ACSL4: variants seen among roughly 807,000 people sequenced by gnomAD.
ACSL4 encodes long-chain-fatty-acid--CoA ligase 4.
In ACSL4, 9 loss-of-function variants were observed where a neutral mutation model predicts 49.1. That is an observed-to-expected ratio of 0.18 (90% confidence interval 0.11 to 0.32). ACSL4 has a LOEUF of 0.32. Among genes scored for constraint, ACSL4 ranks in the 10% least tolerant of loss-of-function variants. ACSL4 has a pLI of 1.00. For synonymous variants in ACSL4, 191 were observed against 170.3 expected (o/e 1.12, Z -0.95); for missense variants, 333 against 493.7 (o/e 0.67, Z 3.08).
At position 109,681,223 on chromosome X, in the gene ACSL4, C is replaced by A. The variant is rs775290997; in HGVS notation, c.516+43G>T. 6.7e-6 allele frequency: 8 copies of A among 1,197,719 alleles called. No individual in the cohort carries two copies. The South Asian group carries it at 1.4e-4, about 21-fold the overall frequency. ...ACTGAATGAATATTTTTCTGTCCTG[C>A]CAGACAACGCAACCATGAATTAAAA... On this transcript the variant is annotated intron_variant, in intron 5 of 15. Coordinates refer to ENST00000672401, the MANE Select transcript of ACSL4 (RefSeq NM_001318510.2).
chrX:109,711,751 G>A (rs1236647260), intron 1 of ACSL4, among the ~76,000 whole-genome samples: 2 of 110,511 alleles, frequency 1.8e-5, no homozygotes, highest in Non-Finnish European at 3.8e-5. Flanking sequence ...GTTACGTGAA[G>A]TGCCTCTGCT....
chrX:109,724,827 G>A (rs1009824034), intron 1 of ACSL4, among the ~76,000 whole-genome samples: 3 of 110,533 alleles, frequency 2.7e-5, no homozygotes, highest in Non-Finnish European at 3.8e-5. Context: ...CAGAAGAATC[G>A]CTTGAATCTG....
intron 9 of ACSL4, among the ~76,000 whole-genome samples, chrX:109,672,264 T>C (rs1437249045): frequency 9.7e-6 from 1 of 103,465 alleles, no homozygotes; most frequent in African/African-American, 3.6e-5. Context: ...TTAAAAAGTA[T>C]ATGAGATCTT....
At chrX:109,655,853 A>G (rs1921599634) in intron 15 of ACSL4, among the ~76,000 whole-genome samples, 1 of 111,964 alleles carries the variant, frequency 8.9e-6, no homozygotes, top group African/African-American at 3.3e-5. Flanking sequence ...CCAAGTCTGC[A>G]AAGTATTCAG....
intron 2 of ACSL4, among the ~76,000 whole-genome samples, chrX:109,689,061 C>T (rs1402557782): frequency 9.0e-6 from 1 of 111,219 alleles, no homozygotes; most frequent in African/African-American, 3.3e-5. Context: ...TGAGATCATC[C>T]TTCCACAATC....
Position 109,697,717 on chromosome X carries a change from G to C in ACSL4, c.-65-1521C>G, listed in dbSNP as rs1278119831. On this transcript the variant is annotated intron_variant, in intron 1 of 15. Transcript: ENST00000672401. ...TAACATTTGCTATTGACATGGGGGG[G>C]GGGGCGCGGGGAACTTGCATATAGA... 1.3e-4 allele frequency among the ~76,000 whole-genome samples: 13 copies of C among 96,881 alleles called. 1 individual carries two copies. The highest frequency in any genetic ancestry group is 1.3e-3 in the South Asian group (2 of 1,576). 84.1% of individuals were successfully genotyped at this position (96,881 alleles called of 115,157 possible).
chrX:109,726,316 G>A (rs959343689), intron 1 of ACSL4, among the ~76,000 whole-genome samples: 3 of 111,591 alleles, frequency 2.7e-5, no homozygotes, highest in Admixed American at 9.5e-5. Context: ...CCAGCTACTC[G>A]GGAGGCTAAG....
At chrX:109,726,880 GT>G (rs1294898010) in intron 1 of ACSL4, among the ~76,000 whole-genome samples, 2 of 104,464 alleles carry the variant, frequency 1.9e-5, no homozygotes, top group East Asian at 3.1e-4. Flanking sequence ...TTGTTGTTTT[GT>G]TTTTTTTGTT....
intron 1 of ACSL4, among the ~76,000 whole-genome samples, chrX:109,723,160 A>T (rs188582399): frequency 9.0e-6 from 1 of 111,655 alleles, no homozygotes; most frequent in African/African-American, 3.2e-5. Flanking sequence ...GAATGAAGGA[A>T]TCCTATTATA....
At position 109,683,268 on chromosome X, in the gene ACSL4, G is replaced by A. The variant is rs1423350391; in HGVS notation, c.96C>T (p.Ile32=). The A allele has an allele frequency of 2.5e-5, 30 of 1,210,377 alleles. No individual in the cohort carries two copies. The highest frequency in any genetic ancestry group is 3.2e-5 in the Non-Finnish European group (29 of 895,288). Residue 32 remains isoleucine (I), a synonymous_variant, in exon 3 of 16, where the codon ATC becomes ATT. Transcript: ENST00000672401. ...ATTTATCCAGAGTATCTGCTCCAGG[G>A]ATGTCTATTACAGCTAGTGAGTCGA... is the stretch of plus-strand genomic sequence containing the variant. ...THFDSLAVID[I]PGADTLDKLF...
intron 10 of ACSL4, among the ~76,000 whole-genome samples, chrX:109,668,570 A>T (rs1922888758): frequency 8.9e-6 from 1 of 112,093 alleles, no homozygotes; most frequent in Non-Finnish European, 1.9e-5. Flanking sequence ...GGAACATTTA[A>T]TCACCTATCT....
At chrX:109,710,859 C>T (rs1187944564) in intron 1 of ACSL4, among the ~76,000 whole-genome samples, 1 of 111,286 alleles carries the variant, frequency 9.0e-6, no homozygotes, top group African/African-American at 3.3e-5. Context: ...AGAAACTCAC[C>T]ACTGCATCCA....
intron 11 of ACSL4, among the ~76,000 whole-genome samples, chrX:109,667,197 A>G (rs1214925588): frequency 1.8e-5 from 2 of 112,493 alleles, no homozygotes; most frequent in African/African-American, 6.5e-5. Flanking sequence ...TATCCAAAAA[A>G]ACAATTCCTA....
chrX:109,683,299 G>A lies in ACSL4; in HGVS notation c.65C>T (p.Thr22Ile), dbSNP rs1369886566. ...TATTACAGCTAGTGAGTCGAAGTGTGTGACAGAGCGATATGGACTTCCAGG... is the reference window on the plus strand; with the variant it reads ...TATTACAGCTAGTGAGTCGAAGTGTATGACAGAGCGATATGGACTTCCAGG... ...DKPGSPYRSVTHFDSLAVIDI... is the reference protein window; with the variant it reads ...DKPGSPYRSVIHFDSLAVIDI... Residue 22 changes from threonine (T) to isoleucine (I), a missense_variant, in exon 3 of 16, where the codon ACA (threonine) becomes ATA (isoleucine). By Grantham distance (89) the Thr-to-Ile change is moderately conservative. Around this residue, in one of 3 missense-constraint regions of ACSL4, gnomAD observed 157 missense variants for 201.1 expected, o/e 0.78. Transcript: ENST00000672401. 5.0e-6 allele frequency: 6 copies of A among 1,210,462 alleles called. No individual in the cohort carries two copies. In the East Asian group the frequency reaches 1.2e-4, roughly 24 times the overall value.
chrX:109,721,300 T>C (rs1222284910), intron 1 of ACSL4, among the ~76,000 whole-genome samples: 1 of 112,626 alleles, frequency 8.9e-6, no homozygotes, highest in Non-Finnish European at 1.9e-5. Flanking sequence ...AGGGCAGCTC[T>C]GCCTATTTCT....
chrX:109,701,871 G>A (rs1412558778), intron 1 of ACSL4, among the ~76,000 whole-genome samples: 1 of 91,918 alleles, frequency 1.1e-5, no homozygotes, highest in Non-Finnish European at 2.1e-5. Flanking sequence ...AACAACAATT[G>A]AATCATACTA....
At chrX:109,664,717 G>A (rs189741208) in intron 12 of ACSL4, among the ~76,000 whole-genome samples, 53 of 111,862 alleles carry the variant, frequency 4.7e-4, no homozygotes, top group South Asian at 3.3e-3. Flanking sequence ...TTTTTAGTCC[G>A]TGTTCCATCC....
chrX:109,682,672 C>G (rs1353167272), intron 4 of ACSL4, 47 bp downstream of exon 4: 1 of 1,193,268 alleles, frequency 8.4e-7, no homozygotes, highest in Non-Finnish European at 1.1e-6. Flanking sequence ...TTCTCACATG[C>G]AAGCAAAGAC....
At chrX:109,698,789 G>A (rs572308643) in intron 1 of ACSL4, among the ~76,000 whole-genome samples, 2 of 112,188 alleles carry the variant, frequency 1.8e-5, no homozygotes, top group Admixed American at 9.4e-5. Context: ...AAACTGATAC[G>A]AATACAAGGC....
Sources: allele counts gnomAD v4.1 joint callset (sites outside exome capture counted in the v4.1 genomes callset), GRCh38; gene constraint gnomAD v4.1.1; regional missense constraint gnomAD v4.1.1; transcripts MANE v1.5; gene names NCBI Gene and HGNC (gene_info 2026-07-23, HGNC 2026-07-21).